STK39: variants seen among roughly 807,000 people sequenced by gnomAD.
STK39 encodes the protein serine/threonine kinase 39.
STK39 carries 20 observed loss-of-function variants against 77.8 expected under a neutral mutation model. The ratio of observed to expected loss-of-function variants is 0.26; its 90% CI spans 0.18 to 0.37. STK39 has a LOEUF of 0.37. STK39 is among the 10% of genes least tolerant of loss of function. The pLI is 1.00. For missense variants in STK39, 479 were observed against 656.5 expected, an observed-to-expected ratio of 0.73 and a Z score of 2.95; for synonymous variants, 246 against 234.1, an observed-to-expected ratio of 1.05 and a Z score of -0.47.
chr2:168,151,775 A>G (rs992048686), intron 5 of STK39, among the ~76,000 whole-genome samples: 2 of 152,040 alleles, frequency 1.3e-5, no homozygotes, highest in Non-Finnish European at 2.9e-5. Context: ...GATTCTTGGT[A>G]AAAACACAGA....
chr2:168,063,700 G>A (rs749607029), intron 13 of STK39, 130 bp from the exon 14 acceptor site: 6 of 716,104 alleles, frequency 8.4e-6, no homozygotes, highest in Admixed American at 6.0e-5. Flanking sequence ...ACACACGCAG[G>A]CCTTCTTTGG....
intron 16 of STK39, among the ~76,000 whole-genome samples, chr2:167,987,605 G>A (rs917199117): frequency 2.0e-5 from 3 of 151,976 alleles, no homozygotes; most frequent in African/African-American, 7.3e-5. Context: ...TCCTAGGAAG[G>A]GCATGGCAGA....
At chr2:167,979,765 C>T (rs16854430) in intron 16 of STK39, among the ~76,000 whole-genome samples, 7,012 of 152,176 alleles carry the variant, frequency 0.046, 552 homozygotes, top group African/African-American at 0.16. Flanking sequence ...CTTTCTTCTA[C>T]GGATTTTAAA....
intron 5 of STK39, among the ~76,000 whole-genome samples, chr2:168,153,030 G>A (rs961635055): frequency 2.6e-5 from 4 of 152,126 alleles, no homozygotes; most frequent in East Asian, 3.9e-4. Flanking sequence ...AGTATTTAAG[G>A]AAACAATGCA....
At chr2:168,163,639 C>T (rs775178121) in intron 4 of STK39, 100 bp downstream of exon 4, 7 of 1,602,216 alleles carry the variant, frequency 4.4e-6, no homozygotes, top group Middle Eastern at 2.2e-4. Context: ...GCAGAGGTCA[C>T]ACCTGTGAAT....
intron 1 of STK39, among the ~76,000 whole-genome samples, chr2:168,213,741 A>G (rs754661237): frequency 1.3e-5 from 2 of 151,784 alleles, no homozygotes; most frequent in Non-Finnish European, 2.9e-5. Flanking sequence ...CATGTGAAAA[A>G]CTGCATAGAG....
At chr2:168,127,219 C>T (rs1268577474) in intron 10 of STK39, among the ~76,000 whole-genome samples, 6 of 152,168 alleles carry the variant, frequency 3.9e-5, no homozygotes, top group Admixed American at 3.3e-4. Flanking sequence ...GGCACAATCT[C>T]GGCTCACTGC....
intron 16 of STK39, among the ~76,000 whole-genome samples, chr2:167,984,591 A>G (rs539339845): frequency 6.6e-6 from 1 of 152,292 alleles, no homozygotes; most frequent in African/African-American, 2.4e-5. Flanking sequence ...TCTATCATAG[A>G]AAAGGAGTTT....
intron 16 of STK39, among the ~76,000 whole-genome samples, chr2:167,997,876 A>G (rs962269344): frequency 1.3e-5 from 2 of 152,180 alleles, no homozygotes; most frequent in Non-Finnish European, 2.9e-5. Flanking sequence ...GAAAATTTCT[A>G]CGCCATGAGA....
At chr2:168,019,099 G>A (rs1341471761) in intron 14 of STK39, among the ~76,000 whole-genome samples, 3 of 151,690 alleles carry the variant, frequency 2.0e-5, no homozygotes, top group Non-Finnish European at 4.4e-5. Context: ...ACTCCCCTCA[G>A]GGCTAAAATG....
intron 5 of STK39, among the ~76,000 whole-genome samples, chr2:168,154,830 A>G (rs1398241806): frequency 6.6e-6 from 1 of 152,200 alleles, no homozygotes; most frequent in Non-Finnish European, 1.5e-5. Flanking sequence ...ATACACTGAA[A>G]CCAAACATCT....
At chr2:168,097,436 G>A (rs1262505234) in intron 10 of STK39, among the ~76,000 whole-genome samples, 1 of 152,162 alleles carries the variant, frequency 6.6e-6, no homozygotes, top group Non-Finnish European at 1.5e-5. Context: ...ACTGAGACTA[G>A]TAGAATGGCT....
chr2:168,205,016 G>A (rs188767041), intron 1 of STK39, among the ~76,000 whole-genome samples: 34 of 152,252 alleles, frequency 2.2e-4, no homozygotes, highest in Non-Finnish European at 1.6e-4. Flanking sequence ...TGAAATGTAC[G>A]GAAAAACAAA....
chr2:168,184,532 C>T (rs1574536341), intron 1 of STK39, among the ~76,000 whole-genome samples: 1 of 52,668 alleles, frequency 1.9e-5, no homozygotes, highest in Non-Finnish European at 2.9e-5. Context: ...AAGTCCAACC[C>T]ACCCCCTCAC....
intron 1 of STK39, among the ~76,000 whole-genome samples, chr2:168,184,733 T>C (rs1470958538): frequency 6.6e-6 from 1 of 151,936 alleles, no homozygotes; most frequent in African/African-American, 2.4e-5. Flanking sequence ...GAGGCCAGCA[T>C]TGTTTAAGGG....
intron 10 of STK39, among the ~76,000 whole-genome samples, chr2:168,119,854 G>A (rs966350087): frequency 1.3e-5 from 2 of 152,172 alleles, no homozygotes; most frequent in African/African-American, 4.8e-5. Flanking sequence ...CAATTCTGTA[G>A]AAACTCAGGG....
At chr2:168,197,540 G>A (rs1004602847) in intron 1 of STK39, among the ~76,000 whole-genome samples, 2 of 152,150 alleles carry the variant, frequency 1.3e-5, no homozygotes, top group Non-Finnish European at 2.9e-5. Context: ...TGTGCTTCCC[G>A]TGTTCAAGAG....
At chr2:168,192,344 G>A (rs1346008493) in intron 1 of STK39, among the ~76,000 whole-genome samples, 1 of 152,162 alleles carries the variant, frequency 6.6e-6, no homozygotes, top group Non-Finnish European at 1.5e-5. Context: ...AGCCAAGGGA[G>A]TGTGACCTCC....
chr2:168,060,696 T>C lies in STK39; in HGVS notation c.1376+2804A>G, dbSNP rs1319327529. ...TGTCATTAGATTCAGGAAAATGCCA[T>C]TAATGTGGTACATATTAACTTCAGC... On this transcript the variant is annotated intron_variant, in intron 14 of 17. Coordinates refer to ENST00000355999, the MANE Select transcript of STK39 (RefSeq NM_013233.3). 3.0e-4 allele frequency among the ~76,000 whole-genome samples: 45 copies of C among 152,226 alleles called. 1 individual carries two copies. The highest frequency in any genetic ancestry group is 2.9e-3 in the Admixed American group (45 of 15,284).
Sources: gnomAD v4.1 joint callset for allele counts (sites outside exome capture counted in the v4.1 genomes callset) on GRCh38, gnomAD v4.1.1 for gene constraint, MANE v1.5 for transcripts, NCBI Gene and HGNC (gene_info 2026-07-23, HGNC 2026-07-21) for gene names.